The following CERS3 variants were observed in gnomAD, a reference collection of about 807,000 sequenced individuals.
CERS3 encodes the protein LAG1 homolog, ceramide synthase 3.
In CERS3, 33 loss-of-function variants were observed where a neutral mutation model predicts 50.3. That is an observed-to-expected ratio of 0.66 (90% CI 0.50 to 0.88). The LOEUF is 0.88. Ranked by LOEUF, CERS3 falls within the 40% of genes least tolerant of loss-of-function variation. The pLI is 0.00. For missense variants in CERS3, 470 were observed against 460.3 expected, an observed-to-expected ratio of 1.02 and a Z score of -0.19; for synonymous variants, 176 against 155.2, an observed-to-expected ratio of 1.13 and a Z score of -0.99.
chr15:100,503,708 G>A, intron 2 of CERS3: 1 of 470,970 alleles, frequency 2.1e-6, no homozygotes, highest in Non-Finnish European at 4.4e-6. Context: ...CCGGGCACAT[G>A]CCTGGCAGCT....
chr15:100,431,461 T>G (rs1283840069), intron 11 of CERS3, among the ~76,000 whole-genome samples: 1 of 152,216 alleles, frequency 6.6e-6, no homozygotes, highest in Non-Finnish European at 1.5e-5. Context: ...TTTTTTTTTC[T>G]TTTAGTGCAG....
At chr15:100,452,474 A>G (rs1316154387) in intron 11 of CERS3, among the ~76,000 whole-genome samples, 1 of 152,208 alleles carries the variant, frequency 6.6e-6, no homozygotes. Context: ...TCAAAACACA[A>G]CATATCAAAA....
Position 100,429,789 on chromosome 15 carries a change from G to A in CERS3, c.999+26104C>T, listed in dbSNP as rs374669245. On this transcript the variant is annotated intron_variant, in intron 11 of 11. Coordinates refer to ENST00000679737, the MANE Select transcript of CERS3 (RefSeq NM_001378789.1). Reference sequence around the variant, plus strand: ...CATACTTATCCACAGCCATCACCCCGTATTGTACAATATGTGTAACACAAC... The same window carrying A: ...CATACTTATCCACAGCCATCACCCCATATTGTACAATATGTGTAACACAAC... Among the ~76,000 whole-genome samples, 6 of 152,132 alleles carry A rather than the reference G, an allele frequency of 3.9e-5. No individual in the cohort carries two copies. In the East Asian group the frequency reaches 9.6e-4, roughly 24 times the overall value.
At chr15:100,469,505 G>T (rs368872348) in intron 9 of CERS3, 21 bp from the exon 10 acceptor site, 239 of 1,504,272 alleles carry the variant, frequency 1.6e-4, no homozygotes, top group Non-Finnish European at 2.1e-4. Context: ...GAAAGAAACT[G>T]CAGATAAAGT....
At chr15:100,528,307 G>A (rs2036851920) in intron 1 of CERS3, among the ~76,000 whole-genome samples, 2 of 152,208 alleles carry the variant, frequency 1.3e-5, no homozygotes, top group South Asian at 4.1e-4. Context: ...GGGTGAGCAA[G>A]TCCCACCTTG....
chr15:100,423,999 T>C (rs1232721492), intron 11 of CERS3, among the ~76,000 whole-genome samples: 4 of 151,334 alleles, frequency 2.6e-5, no homozygotes, highest in Non-Finnish European at 1.5e-5. Flanking sequence ...TGGAGTGCAA[T>C]GGCACCATCT....
At chr15:100,448,073 G>A (rs193264188) in intron 11 of CERS3, among the ~76,000 whole-genome samples, 145 of 152,274 alleles carry the variant, frequency 9.5e-4, no homozygotes, top group African/African-American at 3.3e-3. Context: ...AGCGTTATGT[G>A]CAATTTGGAT....
At chr15:100,439,922 C>A (rs779839183) in intron 11 of CERS3, among the ~76,000 whole-genome samples, 1 of 152,166 alleles carries the variant, frequency 6.6e-6, no homozygotes, top group Non-Finnish European at 1.5e-5. Context: ...GTCCATGGCT[C>A]CCCAACCTGC....
intron 11 of CERS3, among the ~76,000 whole-genome samples, chr15:100,410,666 G>A (rs2031411846): frequency 6.6e-6 from 1 of 152,110 alleles, no homozygotes; most frequent in African/African-American, 2.4e-5. Context: ...CAGGAAAACC[G>A]ATTGAACCTG....
intron 11 of CERS3, chr15:100,408,694 C>T (rs892429629): frequency 1.2e-4 from 19 of 152,154 alleles, no homozygotes; most frequent in Admixed American, 9.2e-4. Context: ...AGGATGGGTG[C>T]GTGTCATGCA....
At chr15:100,444,706 T>C (rs2033858343) in intron 11 of CERS3, among the ~76,000 whole-genome samples, 2 of 152,274 alleles carry the variant, frequency 1.3e-5, no homozygotes, top group Non-Finnish European at 1.5e-5. Context: ...GGGATTTGCC[T>C]CCACCCAGGA....
Position 100,484,653 on chromosome 15 carries a change from G to C in CERS3, c.304C>G (p.Leu102Val). Residue 102 changes from leucine (L) to valine (V), a missense_variant, in exon 5 of 12, where the codon CTG (leucine) becomes GTG (valine). Coordinates refer to ENST00000679737, the MANE Select transcript of CERS3 (RefSeq NM_001378789.1). ...TCCGTCAAGTTACACTTCTTTGCCA[G>C]TCCATAAATATCAGTCTGAAAAGGG... ...RQPLQTDIYG[L>V]AKKCNLTERQ... The C allele has an allele frequency of 6.2e-7, 1 of 1,613,164 alleles. No individual in the cohort carries two copies. The highest frequency in any genetic ancestry group is 8.5e-7 in the Non-Finnish European group (1 of 1,179,168).
intron 10 of CERS3, among the ~76,000 whole-genome samples, chr15:100,466,737 T>TTTCCTTCTTTCC (rs2034729757): frequency 2.7e-5 from 2 of 74,238 alleles, no homozygotes; most frequent in African/African-American, 1.1e-4. Context: ...TCTTTCCTTC[T>TTTCCTTCTTTCC]TTCCTTCCTT....
chr15:100,467,719 T>C lies in CERS3; in HGVS notation c.845+1659A>G, dbSNP rs148368977. 4.7e-4 allele frequency among the ~76,000 whole-genome samples: 71 copies of C among 149,756 alleles called. No homozygotes were observed. In the East Asian group the frequency reaches 9.7e-3, roughly 21 times the overall value. ...TGCCCAACTGTCATCAGCAAGTCAA[T>C]ATTATTCTATCAATAATTGCTATCA... On this transcript the variant is annotated intron_variant, in intron 10 of 11. Coordinates refer to ENST00000679737, the MANE Select transcript of CERS3 (RefSeq NM_001378789.1).
At chr15:100,517,822 G>A (rs1031390989) in intron 2 of CERS3, among the ~76,000 whole-genome samples, 6 of 152,158 alleles carry the variant, frequency 3.9e-5, no homozygotes, top group African/African-American at 1.2e-4. Flanking sequence ...AGCGTTTACA[G>A]GAGAGGCAGG....
chr15:100,487,966 G>A (rs1417504421), intron 4 of CERS3, among the ~76,000 whole-genome samples: 1 of 152,166 alleles, frequency 6.6e-6, no homozygotes, highest in Non-Finnish European at 1.5e-5. Context: ...GAAAGGGCTA[G>A]ATAATAAGTT....
intron 11 of CERS3, among the ~76,000 whole-genome samples, chr15:100,439,696 A>G (rs2033592900): frequency 6.6e-6 from 1 of 152,194 alleles, no homozygotes; most frequent in Non-Finnish European, 1.5e-5. Context: ...CTATGCCTTC[A>G]AATAGTGTTC....
At chr15:100,419,496 C>A (rs1197186547) in intron 11 of CERS3, among the ~76,000 whole-genome samples, 7 of 134,760 alleles carry the variant, frequency 5.2e-5, no homozygotes, top group Non-Finnish European at 1.1e-4. Context: ...GACTTTAATA[C>A]CCCACTGTCA....
intron 11 of CERS3, 115 bp from the exon 12 acceptor site, chr15:100,402,980 A>G (rs1262072209): frequency 1.0e-5 from 10 of 989,040 alleles, no homozygotes; most frequent in Non-Finnish European, 1.5e-5. Flanking sequence ...CAATATCCAA[A>G]TAACTAAACA....
Sources: gnomAD v4.1 joint callset for allele counts (sites outside exome capture counted in the v4.1 genomes callset) on GRCh38, gnomAD v4.1.1 for gene constraint, MANE v1.5 for transcripts, NCBI Gene and HGNC (gene_info 2026-07-23, HGNC 2026-07-21) for gene names.